APOD: variants seen among roughly 807,000 people sequenced by gnomAD.
APOD encodes the protein apolipoprotein D.
A neutral mutation model predicts 20.4 loss-of-function variants in APOD; 22 were observed. That is an observed-to-expected ratio of 1.08 (90% CI 0.77 to 1.54). The LOEUF (loss-of-function observed/expected upper bound fraction) is 1.54, where lower values mean the gene tolerates loss of function less well. APOD is among the 40% of genes most tolerant of loss of function. APOD has a pLI of 0.00. For synonymous variants in APOD, 97 were observed against 92.4 expected (o/e 1.05, Z -0.29); for missense variants, 223 against 229.6 (o/e 0.97, Z 0.19).
intron 4 of APOD, chr3:195,571,028 T>G (rs1720149139): frequency 7.5e-6 from 4 of 536,668 alleles, no homozygotes; most frequent in Non-Finnish European, 1.3e-5. Context: ...TAGCTAGTTA[T>G]AGTAAATTGC....
In APOD at chr3:195,574,128, G is replaced by A. The variant is rs572944873; in HGVS notation, c.124-157C>T. Among the ~76,000 whole-genome samples, 7 of 152,298 alleles carry A rather than the reference G, an allele frequency of 4.6e-5. No individual in the cohort carries two copies. In the South Asian group the frequency reaches 1.5e-3, roughly 32 times the overall value. The stretch of plus-strand genomic sequence containing the variant: ...AACTGGGCAAGAGATTGATTGCAAT[G>A]AGAATCTGTGACTAGGATGGGATGT... On this transcript the variant is annotated intron_variant, in intron 2 of 4. Coordinates refer to ENST00000343267, the MANE Select transcript of APOD (RefSeq NM_001647.4).
Position 195,568,831 on chromosome 3 carries a change from T to TA in APOD, c.*68_*69insT. The TA allele has an allele frequency of 7.8e-6, 7 of 896,790 alleles. No homozygotes were observed. Among genetic ancestry groups the TA allele is most frequent in the Non-Finnish European group, 1.2e-5 (7 of 603,150 alleles). 55.6% of individuals were successfully genotyped at this position (896,790 alleles called of 1,614,324 possible). A position where few individuals can be genotyped will look rare whatever the true frequency, so the allele number is the denominator to read the frequency against. Reference sequence around the variant, plus strand: ...GTCGTGGTTGATTGGTTTGTCTTTATGGGGGGGGGGTAGGGGAAAGCGAAG... The same window carrying TA: ...GTCGTGGTTGATTGGTTTGTCTTTATAGGGGGGGGGGTAGGGGAAAGCGAAG... On this transcript the variant is annotated 3_prime_UTR_variant, in exon 5 of 5. Transcript: ENST00000343267.
At chr3:195,570,056 C>T (rs1381258322) in intron 4 of APOD, among the ~76,000 whole-genome samples, 1 of 152,122 alleles carries the variant, frequency 6.6e-6, no homozygotes, top group Non-Finnish European at 1.5e-5. Flanking sequence ...GTATTCAGGC[C>T]TTCTTCTATG....
Position 195,573,833 on chromosome 3 carries a change from C to G in APOD, c.245+17G>C. ...AGCACTCCGCAGGCCTGGCCCCGGACGCCCACAGCCACTCACCTCAACTCC... is the reference window on the plus strand; with the variant it reads ...AGCACTCCGCAGGCCTGGCCCCGGAGGCCCACAGCCACTCACCTCAACTCC... On this transcript the variant is annotated intron_variant, in intron 3 of 4. Coordinates refer to ENST00000343267, the MANE Select transcript of APOD (RefSeq NM_001647.4). The G allele has an allele frequency of 1.2e-6, 2 of 1,612,618 alleles. No homozygotes were observed. The highest frequency in any genetic ancestry group is 8.5e-7 in the Non-Finnish European group (1 of 1,179,190).
At chr3:195,571,191 T>C in intron 4 of APOD, 86 bp downstream of exon 4, 1 of 1,086,444 alleles carries the variant, frequency 9.2e-7, no homozygotes, top group Non-Finnish European at 1.4e-6. Context: ...CACTCAGGTG[T>C]CTCAGGAATT....
At chr3:195,583,213 A>T (rs1179621559) in intron 1 of APOD, 1 of 152,244 alleles carries the variant, frequency 6.6e-6, no homozygotes, top group African/African-American at 2.4e-5. Flanking sequence ...CTACGAAGCC[A>T]CAGTGTAAGC....
chr3:195,579,597 C>T, intron 1 of APOD, 102 bp from the exon 2 acceptor site: 1 of 1,257,564 alleles, frequency 8.0e-7, no homozygotes, highest in Non-Finnish European at 1.1e-6. Flanking sequence ...TGTGGGCGGT[C>T]CCTCCTCTTC....
chr3:195,577,186 C>CA (rs71637174), intron 2 of APOD: 5,717 of 280,836 alleles, frequency 0.02, no homozygotes, highest in South Asian at 0.035. Context: ...GACTCCGTCT[C>CA]AAAAAAAAAA....
chr3:195,571,445 C>A lies in APOD; in HGVS notation c.246-80G>T, dbSNP rs566197462. Reference sequence around the variant, plus strand: ...CAACTCATTGAAAGCCAATAAGCAACGAAAGGCAAGATTTGTGCCACTAAG... The same window carrying A: ...CAACTCATTGAAAGCCAATAAGCAAAGAAAGGCAAGATTTGTGCCACTAAG... On this transcript the variant is annotated intron_variant, in intron 3 of 4. Transcript: ENST00000343267. The A allele has an allele frequency of 7.4e-6, 10 of 1,344,648 alleles. No homozygotes were observed. The East Asian group carries it at 2.1e-4, about 28-fold the overall frequency. The allele number at this position is 1,344,648 out of a possible 1,614,324, so 83.3% of individuals were successfully genotyped here.
intron 2 of APOD, chr3:195,577,179 T>C: frequency 3.0e-6 from 1 of 329,294 alleles, no homozygotes; most frequent in Admixed American, 4.5e-5. Context: ...AAAGTGAGAC[T>C]CCGTCTCAAA....
rs530281813 is a variant in APOD at position 195,569,948 on chromosome 3, C to T, written c.335-813G>A. Among the ~76,000 whole-genome samples the T allele has an allele frequency of 1.8e-3, 272 of 151,944 alleles. 2 individuals are homozygous for T. Among genetic ancestry groups the T allele is most frequent in the African/African-American group, 5.7e-3 (235 of 41,458 alleles). On this transcript the variant is annotated intron_variant, in intron 4 of 4. Coordinates refer to ENST00000343267, the MANE Select transcript of APOD (RefSeq NM_001647.4). Reference sequence around the variant, plus strand: ...CTGAGTAGCTGGGATTACAGGCACACGCCACCATGCCCAGCTAATTTTTTG... The same window carrying T: ...CTGAGTAGCTGGGATTACAGGCACATGCCACCATGCCCAGCTAATTTTTTG...
At chr3:195,579,317 A>C in intron 2 of APOD, 22 bp downstream of exon 2, 1 of 1,613,830 alleles carries the variant, frequency 6.2e-7, no homozygotes, top group East Asian at 2.2e-5. Flanking sequence ...GCAGCAAAAC[A>C]AACGGGAGGT....
At chr3:195,569,173 G>C in intron 4 of APOD, 38 bp from the exon 5 acceptor site, 1 of 1,566,558 alleles carries the variant, frequency 6.4e-7, no homozygotes, top group East Asian at 2.2e-5. Context: ...TGGAGGGAGA[G>C]GGCAAGAGAA....
At chr3:195,574,014 G>A in intron 2 of APOD, 43 bp from the exon 3 acceptor site, 2 of 1,605,490 alleles carry the variant, frequency 1.2e-6, no homozygotes, top group Non-Finnish European at 1.7e-6. Context: ...GGTTCTCTGG[G>A]GACCTGCAAC....
At chr3:195,571,141 G>A in intron 4 of APOD, 136 bp downstream of exon 4, 2 of 805,988 alleles carry the variant, frequency 2.5e-6, no homozygotes, top group Non-Finnish European at 4.3e-6. Context: ...CATGTAGTAA[G>A]TGTTTGACAG....
At chr3:195,577,765 C>T (rs1334113567) in intron 2 of APOD, among the ~76,000 whole-genome samples, 4 of 152,198 alleles carry the variant, frequency 2.6e-5, no homozygotes, top group Non-Finnish European at 5.9e-5. Flanking sequence ...CATGCTACAA[C>T]GTGGATGAAC....
At chr3:195,571,446 G>T in intron 3 of APOD, 81 bp from the exon 4 acceptor site, 1 of 1,325,488 alleles carries the variant, frequency 7.5e-7, no homozygotes, top group Non-Finnish European at 1.1e-6. Context: ...AATAAGCAAC[G>T]AAAGGCAAGA....
Position 195,569,143 on chromosome 3 carries a change from C to T in APOD, c.335-8G>A. ...ACGGTGCCGATGGCATAACTGAGAACCAGAGAGAGGCAGCATTATTGGAGG... is the reference window on the plus strand; with the variant it reads ...ACGGTGCCGATGGCATAACTGAGAATCAGAGAGAGGCAGCATTATTGGAGG... On this transcript the variant is annotated splice_polypyrimidine_tract_variant and splice_region_variant and intron_variant, in intron 4 of 4. Coordinates refer to ENST00000343267, the MANE Select transcript of APOD (RefSeq NM_001647.4). The T allele has an allele frequency of 6.2e-7, 1 of 1,610,184 alleles. No homozygotes were observed. Among genetic ancestry groups the T allele is most frequent in the Non-Finnish European group, 8.5e-7 (1 of 1,176,542 alleles).
intron 4 of APOD, 56 bp downstream of exon 4, chr3:195,571,221 C>T: frequency 6.8e-7 from 1 of 1,476,722 alleles, no homozygotes. Flanking sequence ...GGGGCGCTAG[C>T]CTTCAGTTTG....
Sources: gnomAD v4.1 joint callset for allele counts (sites outside exome capture counted in the v4.1 genomes callset) on GRCh38, gnomAD v4.1.1 for gene constraint, MANE v1.5 for transcripts, NCBI Gene and HGNC (gene_info 2026-07-23, HGNC 2026-07-21) for gene names.